Variants in EVL observed in about 807,000 individuals in gnomAD.
EVL encodes the protein Enah/Vasp-like, also known as ena/VASP-like protein.
A neutral mutation model predicts 59.6 loss-of-function variants in EVL; 21 were observed. That is an observed-to-expected ratio of 0.35 (90% CI 0.25 to 0.51). The LOEUF is 0.51. EVL is among the 20% of genes least tolerant of loss of function. The pLI, the probability that EVL is intolerant of heterozygous loss-of-function variation, is 0.97. For synonymous variants in EVL, 198 were observed against 203.5 expected (o/e 0.97, Z 0.23); for missense variants, 462 against 546.6 (o/e 0.85, Z 1.54).
chr14:100,095,816 C>T (rs8009306), intron 2 of EVL, among the ~76,000 whole-genome samples: 5,950 of 152,274 alleles, frequency 0.039, 338 homozygotes, highest in African/African-American at 0.12. Context: ...CAATCTCCAC[C>T]TCCTGGGTTC....
intron 9 of EVL, 153 bp from the exon 10 acceptor site, chr14:100,137,424 GC>G: frequency 1.4e-6 from 1 of 709,836 alleles, no homozygotes; most frequent in Non-Finnish European, 2.4e-6. Flanking sequence ...AGAACAAGGT[GC>G]CAGGTTTTGG....
rs769096393 is a variant in EVL at position 100,024,568 on chromosome 14, A to G, written c.5+52511A>G. ...TTTGCCCAAGGTAACTTTAACTCACATAAATGAAATGGACTCTCTCCTCCA... is the reference window on the plus strand; with the variant it reads ...TTTGCCCAAGGTAACTTTAACTCACGTAAATGAAATGGACTCTCTCCTCCA... On this transcript the variant is annotated intron_variant, in intron 1 of 13. Coordinates refer to the EVL transcript ENST00000402714. Among the ~76,000 whole-genome samples the G allele has an allele frequency of 5.3e-5, 8 of 152,282 alleles. No individual in the cohort carries two copies. In the South Asian group the frequency reaches 1.2e-3, roughly 24 times the overall value.
At chr14:100,134,375 G>T (rs938617408) in intron 8 of EVL, among the ~76,000 whole-genome samples, 1 of 152,178 alleles carries the variant, frequency 6.6e-6, no homozygotes, top group Non-Finnish European at 1.5e-5. Flanking sequence ...TCAAAGCCCA[G>T]GGGCTTCTGG....
rs1038004567 is a variant in EVL at position 99,985,369 on chromosome 14, G to A, written c.5+13312G>A. 2.0e-5 allele frequency among the ~76,000 whole-genome samples: 3 copies of A among 151,904 alleles called. No individual in the cohort carries two copies. The East Asian group carries it at 5.8e-4, about 29-fold the overall frequency. ...TTTGACTGGGCTTATCTTCTGTTTT[G>A]GTTCTTCACCTTTGTACTTCCTTGA... is the stretch of plus-strand genomic sequence containing the variant. On this transcript the variant is annotated intron_variant, in intron 1 of 13. Transcript: ENST00000402714.
rs116390447 is a variant in EVL at position 100,057,728 on chromosome 14, C to T, written c.6-26959C>T. Among the ~76,000 whole-genome samples the T allele has an allele frequency of 9.5e-3, 1,442 of 152,250 alleles. 18 individuals are homozygous for T. Among genetic ancestry groups the T allele is most frequent in the African/African-American group, 0.033 (1,354 of 41,552 alleles). ...CTCTCAGGCAAAGTGGTTGAGAATA[C>T]CAGAATCTCTGGCAGATCCAATTTC... On this transcript the variant is annotated intron_variant, in intron 1 of 13. Coordinates refer to the EVL transcript ENST00000402714.
rs76063550 is a variant in EVL, at chr14:100,028,682, G to T, written c.6-56005G>T. On this transcript the variant is annotated intron_variant, in intron 1 of 13. Transcript: ENST00000402714. Reference sequence around the variant, plus strand: ...AAAAATCAGCGAGGCATGGTGACACGCACCTGTAGTCCCAGCTACTCGGGA... The same window carrying T: ...AAAAATCAGCGAGGCATGGTGACACTCACCTGTAGTCCCAGCTACTCGGGA... Among the ~76,000 whole-genome samples the T allele has an allele frequency of 0.012, 1,885 of 152,194 alleles. 100 individuals carry two copies. In the East Asian group the frequency reaches 0.18, roughly 15 times the overall value.
At position 100,097,482 on chromosome 14, in the gene EVL, T is replaced by C. The variant is rs1885899560; in HGVS notation, c.182T>C (p.Val61Ala). 9.4e-6 allele frequency: 15 copies of C among 1,604,192 alleles called. No homozygotes were observed. In the African/African-American group the frequency reaches 9.4e-5, roughly 10 times the overall value. ...ATTTCTCTCTCCTTTCTCCTCCAGG[T>C]TGTGATCAATTATTCAATCGTGAAA... ...VVGVKLQDQQ[V>A]VINYSIVKGL... The change falls in exon 3 of 14, where the codon GTT (valine) becomes GCT (alanine). Residue 61 changes from valine to alanine, a missense_variant and splice_region_variant. Val to Ala is a moderately conservative substitution (Grantham distance 64, BLOSUM62 0). Transcript: ENST00000392920.
intron 7 of EVL, among the ~76,000 whole-genome samples, chr14:100,131,997 A>G (rs1189247920): frequency 6.6e-6 from 1 of 152,072 alleles, no homozygotes; most frequent in African/African-American, 2.4e-5. Context: ...TCCATGCTTG[A>G]TGGGCAGCTC....
At chr14:100,080,911 T>C (rs943530234) in intron 1 of EVL, among the ~76,000 whole-genome samples, 3 of 152,256 alleles carry the variant, frequency 2.0e-5, no homozygotes, top group Non-Finnish European at 4.4e-5. Flanking sequence ...AAATTTCATA[T>C]GTATATGTTT....
intron 1 of EVL, among the ~76,000 whole-genome samples, chr14:100,029,866 C>A (rs973543310): frequency 6.6e-6 from 1 of 152,112 alleles, no homozygotes; most frequent in African/African-American, 2.4e-5. Context: ...TGACTGGTGA[C>A]TTCTCTGCCC....
intron 1 of EVL, among the ~76,000 whole-genome samples, chr14:100,016,009 G>A (rs988471484): frequency 2.0e-5 from 3 of 151,778 alleles, no homozygotes; most frequent in African/African-American, 7.2e-5. Flanking sequence ...AACCTGGGAG[G>A]CAGAGGTTGC....
At chr14:100,077,252 G>C (rs908620634) in intron 1 of EVL, among the ~76,000 whole-genome samples, 1 of 152,174 alleles carries the variant, frequency 6.6e-6, no homozygotes, top group Non-Finnish European at 1.5e-5. Flanking sequence ...AGGAGGGAGA[G>C]AAAGGGCCAG....
chr14:100,112,453 A>G (rs1206010192), intron 3 of EVL, among the ~76,000 whole-genome samples: 1 of 152,188 alleles, frequency 6.6e-6, no homozygotes, highest in African/African-American at 2.4e-5. Context: ...ACTCTCTAGG[A>G]TTTTAGGCTT....
intron 3 of EVL, among the ~76,000 whole-genome samples, chr14:100,105,799 A>G (rs1886527564): frequency 6.6e-6 from 1 of 152,108 alleles, no homozygotes; most frequent in African/African-American, 2.4e-5. Context: ...GGTGACTAGC[A>G]GTAAGTAGTA....
At chr14:100,068,168 TGGGGACATGA>T (rs974230058) in intron 1 of EVL, among the ~76,000 whole-genome samples, 1 of 151,946 alleles carries the variant, frequency 6.6e-6, no homozygotes, top group African/African-American at 2.4e-5. Context: ...AGGGGACATG[TGGGGACATGA>T]GGCAGCCATG....
At chr14:100,086,556 T>A (rs1216054586) in intron 2 of EVL, among the ~76,000 whole-genome samples, 1 of 152,206 alleles carries the variant, frequency 6.6e-6, no homozygotes. Flanking sequence ...CATGGTGTAC[T>A]GGAAAGGGCA....
At chr14:99,985,031 A>G (rs1159273353) in intron 1 of EVL, among the ~76,000 whole-genome samples, 5 of 152,132 alleles carry the variant, frequency 3.3e-5, no homozygotes, top group Non-Finnish European at 5.9e-5. Flanking sequence ...GTATATAACA[A>G]CGTTAAGTTG....
intron 1 of EVL, among the ~76,000 whole-genome samples, chr14:100,055,978 A>G (rs977459718): frequency 6.6e-6 from 1 of 151,648 alleles, no homozygotes; most frequent in Non-Finnish European, 1.5e-5. Context: ...CACCCTGCTA[A>G]TTTTTGTATT....
intron 3 of EVL, chr14:100,106,999 G>A (rs537091563): frequency 5.0e-5 from 20 of 398,720 alleles, no homozygotes; most frequent in Non-Finnish European, 7.5e-5. Context: ...TCCTGGAGCC[G>A]GGCTACGTTG....
Sources: gnomAD v4.1 joint callset for allele counts (sites outside exome capture counted in the v4.1 genomes callset) on GRCh38, gnomAD v4.1.1 for gene constraint, MANE v1.5 for transcripts, NCBI Gene and HGNC (gene_info 2026-07-23, HGNC 2026-07-21) for gene names.